The following NRXN3 variants were observed in gnomAD, a reference collection of about 807,000 sequenced individuals.
The protein encoded by NRXN3 is neurexin 3.
In NRXN3, 32 loss-of-function variants were observed where a neutral mutation model predicts 137.6. The ratio of observed to expected loss-of-function variants is 0.23; its 90% CI spans 0.18 to 0.31. The LOEUF is 0.31. Among genes scored for constraint, NRXN3 ranks in the 10% least tolerant of loss-of-function variants. The pLI is 1.00. For missense variants in NRXN3, 1,574 were observed against 2,062.5 expected (o/e 0.76, Z 4.59); for synonymous variants, 798 against 784.5 (o/e 1.02, Z -0.29).
intron 16 of NRXN3, among the ~76,000 whole-genome samples, chr14:79,493,209 T>C (rs1415165420): frequency 6.6e-6 from 1 of 152,224 alleles, no homozygotes; most frequent in Non-Finnish European, 1.5e-5. Context: ...GTTAATTGCT[T>C]TTCTTGGTGA....
intron 10 of NRXN3, among the ~76,000 whole-genome samples, chr14:78,860,916 A>T (rs1370277215): frequency 6.6e-6 from 1 of 152,070 alleles, no homozygotes; most frequent in African/African-American, 2.4e-5. Context: ...TATTGAAAAA[A>T]ATACACATAT....
intron 4 of NRXN3, among the ~76,000 whole-genome samples, chr14:78,544,889 G>C (rs536553280): frequency 5.4e-4 from 82 of 152,280 alleles, no homozygotes; most frequent in African/African-American, 1.9e-3. Flanking sequence ...AGAGGTGACT[G>C]GGGAGAGGTT....
chr14:79,115,885 A>G (rs1218645049), intron 15 of NRXN3, among the ~76,000 whole-genome samples: 1 of 152,190 alleles, frequency 6.6e-6, no homozygotes, highest in Non-Finnish European at 1.5e-5. Context: ...CAGAGCACTT[A>G]CTAAGTGTCA....
rs35604873 is a variant in NRXN3 at position 79,822,774 on chromosome 14, T to TAA, written c.4093+17590_4093+17591dup. On this transcript the variant is annotated intron_variant, in intron 20 of 20. Transcript: ENST00000335750. ...CATTAAGGTAATTTTTAATTTCAGT[T>TAA]AAAAAAATAGATTAAAGGCACAAAA... 5.3e-4 allele frequency among the ~76,000 whole-genome samples: 81 copies of TAA among 151,692 alleles called. No individual in the cohort carries two copies. The Middle Eastern group carries it at 0.014, about 26-fold the overall frequency.
intron 3 of NRXN3, among the ~76,000 whole-genome samples, chr14:78,287,364 C>T (rs989816303): frequency 5.3e-5 from 8 of 152,174 alleles, no homozygotes; most frequent in East Asian, 1.9e-4. Context: ...TATCTGCTAC[C>T]GTGGGCACTT....
chr14:79,547,096 C>G (rs1255815175), intron 16 of NRXN3, among the ~76,000 whole-genome samples: 1 of 152,178 alleles, frequency 6.6e-6, no homozygotes, highest in East Asian at 1.9e-4. Context: ...AGACCAAGCC[C>G]TGTGCATGGC....
chr14:79,631,262 C>T (rs147124593), intron 16 of NRXN3, among the ~76,000 whole-genome samples: 1 of 152,336 alleles, frequency 6.6e-6, no homozygotes, highest in Non-Finnish European at 1.5e-5. Context: ...GAGGAAAGGA[C>T]CAGAATAAGG....
intron 15 of NRXN3, among the ~76,000 whole-genome samples, chr14:79,056,751 G>A (rs537684273): frequency 6.6e-6 from 1 of 152,236 alleles, no homozygotes; most frequent in Admixed American, 6.5e-5. Context: ...TGTCTCTGAA[G>A]AATAAGCAAG....
At chr14:79,838,624 G>A (rs1343905402) in intron 20 of NRXN3, among the ~76,000 whole-genome samples, 1 of 152,160 alleles carries the variant, frequency 6.6e-6, no homozygotes, top group Non-Finnish European at 1.5e-5. Flanking sequence ...TGGCTGAGGA[G>A]ATATTAAGTG....
intron 19 of NRXN3, among the ~76,000 whole-genome samples, chr14:79,795,044 G>A (rs1344070626): frequency 6.6e-6 from 1 of 152,148 alleles, no homozygotes; most frequent in Non-Finnish European, 1.5e-5. Flanking sequence ...CCCTGTGGAT[G>A]ACCTCATGGA....
intron 16 of NRXN3, among the ~76,000 whole-genome samples, chr14:79,650,844 A>G (rs2098472339): frequency 6.6e-6 from 1 of 152,196 alleles, no homozygotes; most frequent in Admixed American, 6.5e-5. Flanking sequence ...GCAAACTGAA[A>G]TGGATGGTGG....
At chr14:79,175,311 G>C (rs754722745) in intron 15 of NRXN3, among the ~76,000 whole-genome samples, 2 of 152,116 alleles carry the variant, frequency 1.3e-5, no homozygotes, top group Non-Finnish European at 2.9e-5. Context: ...CTGAAATAAG[G>C]AAGAGAAATC....
intron 4 of NRXN3, among the ~76,000 whole-genome samples, chr14:78,539,491 C>A (rs2096568203): frequency 4.0e-5 from 6 of 151,622 alleles, no homozygotes. Flanking sequence ...CTATTTGATT[C>A]TTCTCTCTTT....
chr14:78,916,026 G>C (rs945442971), intron 10 of NRXN3, among the ~76,000 whole-genome samples: 8 of 152,062 alleles, frequency 5.3e-5, no homozygotes, highest in African/African-American at 1.9e-4. Flanking sequence ...CTTGTGTCTT[G>C]GGAGAAATTC....
intron 16 of NRXN3, among the ~76,000 whole-genome samples, chr14:79,549,517 A>G (rs1432802716): frequency 6.6e-6 from 1 of 152,100 alleles, no homozygotes; most frequent in Admixed American, 6.5e-5. Context: ...CACATATTCC[A>G]TCTTTCAACT....
intron 14 of NRXN3, among the ~76,000 whole-genome samples, chr14:78,980,313 A>G (rs2099486343): frequency 6.6e-6 from 1 of 151,942 alleles, no homozygotes; most frequent in African/African-American, 2.4e-5. Context: ...TGCACCCTAC[A>G]TTTCTCCACC....
chr14:79,613,111 A>G (rs957993839), intron 16 of NRXN3, among the ~76,000 whole-genome samples: 4 of 152,166 alleles, frequency 2.6e-5, no homozygotes, highest in Admixed American at 2.0e-4. Flanking sequence ...CTGTACTATG[A>G]ATGTAGTGGT....
At chr14:78,925,834 C>A (rs1048307083) in intron 10 of NRXN3, among the ~76,000 whole-genome samples, 10 of 152,116 alleles carry the variant, frequency 6.6e-5, no homozygotes, top group Non-Finnish European at 8.8e-5. Flanking sequence ...AGCTGTGTGA[C>A]CTTAAGGAGA....
intron 16 of NRXN3, among the ~76,000 whole-genome samples, chr14:79,545,157 A>G (rs1012285334): frequency 2.0e-5 from 3 of 152,166 alleles, no homozygotes; most frequent in African/African-American, 2.4e-5. Flanking sequence ...TATTGCTGCT[A>G]TGATAAATTA....
Sources: allele counts gnomAD v4.1 joint callset (sites outside exome capture counted in the v4.1 genomes callset), GRCh38; gene constraint gnomAD v4.1.1; transcripts MANE v1.5; gene names NCBI Gene and HGNC (gene_info 2026-07-23, HGNC 2026-07-21).